Variants in PTPRM observed in about 807,000 individuals in gnomAD.
PTPRM encodes receptor-type tyrosine-protein phosphatase mu.
In PTPRM, 47 loss-of-function variants were observed where a neutral mutation model predicts 186.7. That is an observed-to-expected ratio of 0.25 (90% CI 0.20 to 0.32). The LOEUF (loss-of-function observed/expected upper bound fraction) is 0.32. Among genes scored for constraint, PTPRM ranks in the 10% least tolerant of loss-of-function variants. PTPRM has a pLI of 1.00. For missense variants in PTPRM, 1,494 were observed against 1,865.0 expected (o/e 0.80, Z 3.66); for synonymous variants, 668 against 674.9 (o/e 0.99, Z 0.16).
Position 8,143,963 on chromosome 18 carries a change from T to C in PTPRM, c.2300+184T>C, listed in dbSNP as rs2092822114. ...TTATGGGACAAAAATTTAGAGTAAATGGCTATGATTCTGTGTGAATACGCA... is the reference window on the plus strand; with the variant it reads ...TTATGGGACAAAAATTTAGAGTAAACGGCTATGATTCTGTGTGAATACGCA... On this transcript the variant is annotated intron_variant, in intron 14 of 32. Coordinates refer to ENST00000580170, the MANE Select transcript of PTPRM (RefSeq NM_001105244.2). Among the ~76,000 whole-genome samples the C allele has an allele frequency of 3.3e-5, 5 of 152,266 alleles. No individual in the cohort carries two copies. The South Asian group carries it at 1.0e-3, about 32-fold the overall frequency.
chr18:7,744,765 G>A (rs1049213802), intron 1 of PTPRM, among the ~76,000 whole-genome samples: 6 of 152,022 alleles, frequency 3.9e-5, no homozygotes, highest in African/African-American at 1.4e-4. Flanking sequence ...TGTGTTCATC[G>A]ACTTTTATCT....
chr18:7,946,871 T>G (rs1197662177), intron 5 of PTPRM: 4 of 453,292 alleles, frequency 8.8e-6, no homozygotes, highest in South Asian at 1.6e-5. Context: ...CCTGTCTGCT[T>G]TCTCACTGCC....
At chr18:7,734,374 T>G (rs895759866) in intron 1 of PTPRM, among the ~76,000 whole-genome samples, 1 of 152,232 alleles carries the variant, frequency 6.6e-6, no homozygotes, top group Admixed American at 6.5e-5. Context: ...TTTCAGCTTT[T>G]AAATTTGATT....
chr18:8,082,132 G>A (rs2090160953), intron 9 of PTPRM, among the ~76,000 whole-genome samples: 2 of 152,066 alleles, frequency 1.3e-5, no homozygotes, highest in African/African-American at 4.8e-5. Context: ...AGTAGTTTTA[G>A]GAAAATAGAT....
intron 1 of PTPRM, among the ~76,000 whole-genome samples, chr18:7,760,021 G>T (rs769586902): frequency 2.8e-4 from 42 of 152,092 alleles, no homozygotes; most frequent in Non-Finnish European, 5.4e-4. Flanking sequence ...TAGATGCCTT[G>T]TCCTGTAACC....
intron 13 of PTPRM, among the ~76,000 whole-genome samples, chr18:8,130,595 G>T (rs983904961): frequency 1.3e-5 from 2 of 152,254 alleles, no homozygotes; most frequent in African/African-American, 4.8e-5. Flanking sequence ...GCTGGAATTT[G>T]TTCTCTCTCC....
At chr18:7,982,539 A>AC (rs1363512530) in intron 7 of PTPRM, among the ~76,000 whole-genome samples, 8 of 151,446 alleles carry the variant, frequency 5.3e-5, no homozygotes, top group African/African-American at 1.7e-4. Flanking sequence ...TTTTTAGTAT[A>AC]AGTAGAATGC....
intron 1 of PTPRM, among the ~76,000 whole-genome samples, chr18:7,749,759 A>C (rs770424239): frequency 6.6e-6 from 1 of 152,140 alleles, no homozygotes; most frequent in African/African-American, 2.4e-5. Context: ...AAGTGTAGAT[A>C]TATATTCTCA....
chr18:8,333,753 G>A (rs1326554466), intron 22 of PTPRM, among the ~76,000 whole-genome samples: 1 of 152,170 alleles, frequency 6.6e-6, no homozygotes, highest in African/African-American at 2.4e-5. Context: ...GAGGGAACTG[G>A]CTGCCAGTGC....
intron 7 of PTPRM, among the ~76,000 whole-genome samples, chr18:7,974,555 G>A (rs1396664635): frequency 3.3e-5 from 5 of 152,144 alleles, no homozygotes; most frequent in African/African-American, 4.8e-5. Context: ...TTATTAACTC[G>A]CATTAATGGG....
At chr18:8,080,151 A>G (rs972794001) in intron 9 of PTPRM, among the ~76,000 whole-genome samples, 1 of 124,032 alleles carries the variant, frequency 8.1e-6, no homozygotes, top group East Asian at 2.1e-4. Flanking sequence ...TGATGGGAAC[A>G]CACATTTTGC....
intron 1 of PTPRM, among the ~76,000 whole-genome samples, chr18:7,759,709 A>G (rs1353524532): frequency 6.6e-6 from 1 of 152,104 alleles, no homozygotes; most frequent in Non-Finnish European, 1.5e-5. Flanking sequence ...CTAAATAAAT[A>G]TTTTTTTGGA....
At chr18:7,624,825 G>A (rs1024174812) in intron 1 of PTPRM, among the ~76,000 whole-genome samples, 4 of 152,228 alleles carry the variant, frequency 2.6e-5, no homozygotes, top group African/African-American at 9.6e-5. Flanking sequence ...TCTACTGCAT[G>A]AGATTGTTGC....
rs368312418 is a variant in PTPRM, at chr18:7,966,862, G to C, written c.1132+11448G>C. Among the ~76,000 whole-genome samples, 2 of 127,880 alleles carry C rather than the reference G, an allele frequency of 1.6e-5. 1 individual carries two copies. The highest frequency in any genetic ancestry group is 3.7e-5 in the Non-Finnish European group (2 of 53,456). The allele number at this position is 127,880 out of a possible 152,430, so 83.9% of individuals were successfully genotyped here. ...GCAGTCTGAGATCAAACCGCAAGGC[G>C]GCAGCGAGGCTGGGGGAGGGGCGCC... On this transcript the variant is annotated intron_variant, in intron 7 of 32. Coordinates refer to ENST00000580170, the MANE Select transcript of PTPRM (RefSeq NM_001105244.2).
At chr18:7,720,452 A>T (rs1241506712) in intron 1 of PTPRM, among the ~76,000 whole-genome samples, 1 of 152,228 alleles carries the variant, frequency 6.6e-6, no homozygotes, top group Admixed American at 6.5e-5. Flanking sequence ...GAAATGATAG[A>T]CTTAAAAAAA....
At chr18:7,615,154 C>CTGG (rs1484548496) in intron 1 of PTPRM, among the ~76,000 whole-genome samples, 1 of 152,106 alleles carries the variant, frequency 6.6e-6, no homozygotes, top group African/African-American at 2.4e-5. Context: ...ATTTGGGCAG[C>CTGG]TGGTTTGATT....
chr18:7,934,971 T>C (rs116942759), intron 5 of PTPRM, among the ~76,000 whole-genome samples: 1,609 of 152,336 alleles, frequency 0.011, 15 homozygotes, highest in South Asian at 0.027. Context: ...GCCTTGGCTT[T>C]CGTGTTATGG....
At chr18:7,742,206 C>G (rs1272593426) in intron 1 of PTPRM, among the ~76,000 whole-genome samples, 4 of 152,140 alleles carry the variant, frequency 2.6e-5, no homozygotes, top group Non-Finnish European at 5.9e-5. Context: ...GCATTATATA[C>G]AGTTAAAGTC....
At chr18:8,338,030 A>G (rs962186897) in intron 22 of PTPRM, among the ~76,000 whole-genome samples, 6 of 152,130 alleles carry the variant, frequency 3.9e-5, no homozygotes, top group African/African-American at 1.4e-4. Context: ...GGGGTGTTGT[A>G]TTCATCCACT....
Sources: allele counts gnomAD v4.1 joint callset (sites outside exome capture counted in the v4.1 genomes callset), GRCh38; gene constraint gnomAD v4.1.1; transcripts MANE v1.5; gene names NCBI Gene and HGNC (gene_info 2026-07-23, HGNC 2026-07-21).